PRKCA: variants seen among roughly 807,000 people sequenced by gnomAD.
The protein encoded by PRKCA is protein kinase C alpha.
A neutral mutation model predicts 87.0 loss-of-function variants in PRKCA; 27 were observed. That is an observed-to-expected ratio of 0.31 (90% CI 0.23 to 0.43). The LOEUF (loss-of-function observed/expected upper bound fraction) is 0.43, where lower values mean the gene tolerates loss of function less well. Ranked by LOEUF, PRKCA falls within the 20% of genes least tolerant of loss-of-function variation. The pLI is 1.00. For synonymous variants in PRKCA, 329 were observed against 311.1 expected (o/e 1.06, Z -0.61); for missense variants, 518 against 852.3 (o/e 0.61, Z 4.88).
intron 16 of PRKCA, among the ~76,000 whole-genome samples, chr17:66,798,401 GTGGTGATGGTGA>G (rs766843738): frequency 3.6e-5 from 3 of 83,610 alleles, no homozygotes; most frequent in African/African-American, 7.4e-5. Flanking sequence ...GGTGGTGGTG[GTGGTGATGGTGA>G]TGGTGGTGGT....
chr17:66,458,477 T>C (rs953089634), intron 2 of PRKCA, among the ~76,000 whole-genome samples: 9 of 75,638 alleles, frequency 1.2e-4, no homozygotes, highest in Non-Finnish European at 2.2e-4. Context: ...TTTTTATCTC[T>C]TTATTTTCCT....
chr17:66,660,422 G>GTGCCTGGAA (rs1272355345), intron 5 of PRKCA, among the ~76,000 whole-genome samples: 1 of 152,056 alleles, frequency 6.6e-6, no homozygotes, highest in Non-Finnish European at 1.5e-5. Context: ...GGCTACCTAG[G>GTGCCTGGAA]TGCCTGGAAT....
chr17:66,494,508 C>T (rs558212924), intron 2 of PRKCA, among the ~76,000 whole-genome samples: 4 of 152,294 alleles, frequency 2.6e-5, no homozygotes, highest in Admixed American at 6.5e-5. Context: ...AATTCTACCC[C>T]TGAGGGCAAA....
chr17:66,596,105 T>C (rs184721771), intron 3 of PRKCA, among the ~76,000 whole-genome samples: 33 of 152,308 alleles, frequency 2.2e-4, no homozygotes, highest in African/African-American at 7.5e-4. Context: ...TCAGCAACAC[T>C]TCTTTCCGTG....
At chr17:66,447,213 A>T (rs1914076686) in intron 2 of PRKCA, among the ~76,000 whole-genome samples, 1 of 152,156 alleles carries the variant, frequency 6.6e-6, no homozygotes, top group South Asian at 2.1e-4. Context: ...TACCATTAAG[A>T]TGTATACGGG....
intron 2 of PRKCA, among the ~76,000 whole-genome samples, chr17:66,468,867 A>G (rs768249022): frequency 8.6e-5 from 13 of 152,022 alleles, no homozygotes; most frequent in Non-Finnish European, 1.3e-4. Flanking sequence ...CTATTTTGCA[A>G]TCCTCTCTAT....
intron 2 of PRKCA, among the ~76,000 whole-genome samples, chr17:66,410,258 G>A (rs1244847212): frequency 6.6e-6 from 1 of 151,566 alleles, no homozygotes; most frequent in African/African-American, 2.4e-5. Context: ...ATTATTTGGG[G>A]ATGCTTTTTC....
At chr17:66,453,268 C>T (rs149166889) in intron 2 of PRKCA, among the ~76,000 whole-genome samples, 95 of 152,018 alleles carry the variant, frequency 6.2e-4, no homozygotes, top group African/African-American at 2.2e-3. Flanking sequence ...CATGTGCCCT[C>T]GTACAGATCC....
chr17:66,409,466 T>C (rs916926511), intron 2 of PRKCA, among the ~76,000 whole-genome samples: 3 of 152,248 alleles, frequency 2.0e-5, no homozygotes, highest in African/African-American at 7.2e-5. Flanking sequence ...CAATGCCTGT[T>C]GCCTGCATTA....
intron 8 of PRKCA, among the ~76,000 whole-genome samples, chr17:66,730,746 T>A (rs556911633): frequency 2.4e-4 from 37 of 152,344 alleles, no homozygotes; most frequent in African/African-American, 8.9e-4. Context: ...TTGTGACCTG[T>A]ATCTTGTGAA....
chr17:66,612,893 A>C (rs1208722852), intron 3 of PRKCA, among the ~76,000 whole-genome samples: 1 of 152,176 alleles, frequency 6.6e-6, no homozygotes, highest in African/African-American at 2.4e-5. Flanking sequence ...GGGTTTCTCC[A>C]TCACAGATTT....
intron 14 of PRKCA, among the ~76,000 whole-genome samples, chr17:66,780,703 G>A (rs1237301441): frequency 6.6e-6 from 1 of 151,808 alleles, no homozygotes; most frequent in Non-Finnish European, 1.5e-5. Flanking sequence ...ATATAAGAAA[G>A]CATAAGAACC....
intron 3 of PRKCA, among the ~76,000 whole-genome samples, chr17:66,536,192 G>A (rs1293415199): frequency 6.6e-6 from 1 of 152,202 alleles, no homozygotes; most frequent in Non-Finnish European, 1.5e-5. Context: ...ACATTGAGAA[G>A]CCCTGATAGG....
At chr17:66,782,093 T>C (rs556857912) in intron 14 of PRKCA, among the ~76,000 whole-genome samples, 2 of 152,074 alleles carry the variant, frequency 1.3e-5, no homozygotes, top group Admixed American at 1.3e-4. Context: ...TTTGTATTTT[T>C]AGTAGAGATG....
rs1913804804 is a variant in PRKCA, at chr17:66,442,196, G to C, written c.206-54005G>C. 5.9e-5 allele frequency among the ~76,000 whole-genome samples: 9 copies of C among 151,836 alleles called. 1 individual carries two copies. In the South Asian group the frequency reaches 1.9e-3, roughly 32 times the overall value. ...CCTGCCTCAGCCTCCCAAGTAGCTG[G>C]GGCTACAGGTGCCTGCCATGCCTGG... On this transcript the variant is annotated intron_variant, in intron 2 of 16. Transcript: ENST00000413366.
intron 2 of PRKCA, among the ~76,000 whole-genome samples, chr17:66,455,279 G>A (rs1006172613): frequency 5.3e-5 from 8 of 151,890 alleles, no homozygotes; most frequent in African/African-American, 1.7e-4. Flanking sequence ...AATTTTAGTC[G>A]GCTCCCCACA....
intron 13 of PRKCA, among the ~76,000 whole-genome samples, chr17:66,756,070 G>A (rs937048261): frequency 2.0e-5 from 3 of 152,198 alleles, no homozygotes; most frequent in African/African-American, 7.2e-5. Flanking sequence ...AATCAGTCAC[G>A]GGGGCTCCAC....
intron 2 of PRKCA, among the ~76,000 whole-genome samples, chr17:66,400,254 C>T (rs1324558832): frequency 6.6e-6 from 1 of 152,166 alleles, no homozygotes; most frequent in Admixed American, 6.5e-5. Flanking sequence ...TGGGTTCAGG[C>T]AATTCTCGTG....
At chr17:66,310,706 G>A (rs1435674190) in intron 2 of PRKCA, among the ~76,000 whole-genome samples, 1 of 152,190 alleles carries the variant, frequency 6.6e-6, no homozygotes. Flanking sequence ...TTGGCTGTGT[G>A]AGCTGAGGGA....
Sources: gnomAD v4.1 joint callset for allele counts (sites outside exome capture counted in the v4.1 genomes callset) on GRCh38, gnomAD v4.1.1 for gene constraint, MANE v1.5 for transcripts, NCBI Gene and HGNC (gene_info 2026-07-23, HGNC 2026-07-21) for gene names.